The following ZNF438 variants were observed in gnomAD, a reference collection of about 807,000 sequenced individuals.
ZNF438 encodes the protein zinc finger protein 438.
Under a neutral mutation model 38.0 loss-of-function variants are expected in ZNF438, and 25 were observed. That is an observed-to-expected ratio of 0.66 (90% CI 0.48 to 0.92). ZNF438 has a LOEUF of 0.92. Ranked by LOEUF, ZNF438 falls within the 40% of genes least tolerant of loss-of-function variation. The pLI, the probability that ZNF438 is intolerant of heterozygous loss-of-function variation, is 0.00. For missense variants in ZNF438, 1,007 were observed against 999.6 expected (o/e 1.01, Z -0.10); for synonymous variants, 372 against 364.1 (o/e 1.02, Z -0.25).
At chr10:30,955,231 G>A (rs2048733320) in intron 1 of ZNF438, among the ~76,000 whole-genome samples, 1 of 152,198 alleles carries the variant, frequency 6.6e-6, no homozygotes. Context: ...ATTCTTGGAG[G>A]TGGGTGAGTA....
At chr10:31,020,884 A>G (rs2056544896) in intron 1 of ZNF438, among the ~76,000 whole-genome samples, 1 of 151,970 alleles carries the variant, frequency 6.6e-6, no homozygotes, top group South Asian at 2.1e-4. Context: ...GTCTGTCAAC[A>G]GAGACAAGAA....
chr10:30,942,699 C>T (rs901266137), intron 1 of ZNF438, among the ~76,000 whole-genome samples: 2 of 151,366 alleles, frequency 1.3e-5, no homozygotes, highest in African/African-American at 4.9e-5. Flanking sequence ...TTCTGATATC[C>T]TGTCCTAGAA....
intron 3 of ZNF438, among the ~76,000 whole-genome samples, chr10:30,907,419 G>A (rs747180295): frequency 6.6e-6 from 1 of 152,200 alleles, no homozygotes; most frequent in Non-Finnish European, 1.5e-5. Flanking sequence ...ATTTTTTGGA[G>A]AAGTTTGTAA....
chr10:30,852,973 T>C (rs2033955231), intron 4 of ZNF438, among the ~76,000 whole-genome samples: 2 of 152,228 alleles, frequency 1.3e-5, no homozygotes, highest in South Asian at 4.1e-4. Context: ...CTCATCTTTT[T>C]TTTTTTGGAA....
In ZNF438 at chr10:30,891,773, G is replaced by T. The variant is rs190969026; in HGVS notation, c.-31-14708C>A. Among the ~76,000 whole-genome samples the T allele has an allele frequency of 2.6e-3, 390 of 152,204 alleles. 3 individuals carry two copies. The highest frequency in any genetic ancestry group is 4.5e-3 in the Non-Finnish European group (308 of 68,010). ...GTTTGTGGCAAATTTTAACAAACAG[G>T]CCTATCCTCCGTTTTCTTATTTGTT... On this transcript the variant is annotated intron_variant, in intron 3 of 5. Transcript: ENST00000413025.
At chr10:30,998,284 T>TA (rs2054257391) in intron 1 of ZNF438, among the ~76,000 whole-genome samples, 1 of 152,072 alleles carries the variant, frequency 6.6e-6, no homozygotes, top group African/African-American at 2.4e-5. Context: ...CTCATGCCTG[T>TA]AATCCTAGCA....
At chr10:30,865,792 T>C (rs1317092549) in intron 4 of ZNF438, among the ~76,000 whole-genome samples, 1 of 152,196 alleles carries the variant, frequency 6.6e-6, no homozygotes, top group East Asian at 1.9e-4. Flanking sequence ...TTTCTATTTA[T>C]TATACTGCTG....
At chr10:30,987,437 C>T (rs1436695885) in intron 1 of ZNF438, among the ~76,000 whole-genome samples, 1 of 151,526 alleles carries the variant, frequency 6.6e-6, no homozygotes, top group African/African-American at 2.4e-5. Flanking sequence ...TTCTTTGAGG[C>T]TTAGACTTTG....
intron 1 of ZNF438, among the ~76,000 whole-genome samples, chr10:31,003,372 G>T (rs2054840543): frequency 6.6e-6 from 1 of 152,098 alleles, no homozygotes; most frequent in Non-Finnish European, 1.5e-5. Context: ...GGTAGTATTG[G>T]ATGTCTTGCT....
chr10:31,017,016 C>T (rs548185442), intron 1 of ZNF438, among the ~76,000 whole-genome samples: 98 of 152,332 alleles, frequency 6.4e-4, no homozygotes, highest in African/African-American at 2.1e-3. Flanking sequence ...CCTAGTCCAG[C>T]GGCTCGCAAA....
chr10:30,881,606 A>T (rs2039270175), intron 3 of ZNF438, among the ~76,000 whole-genome samples: 1 of 152,140 alleles, frequency 6.6e-6, no homozygotes, highest in South Asian at 2.1e-4. Context: ...AAATCCCAGT[A>T]GACTTTTTGT....
At chr10:31,003,652 T>C (rs982760549) in intron 1 of ZNF438, among the ~76,000 whole-genome samples, 2 of 152,230 alleles carry the variant, frequency 1.3e-5, no homozygotes, top group African/African-American at 4.8e-5. Context: ...CCTTATCATA[T>C]GCCCTACTAC....
At chr10:31,018,544 G>C (rs1481038390) in intron 1 of ZNF438, among the ~76,000 whole-genome samples, 1 of 152,142 alleles carries the variant, frequency 6.6e-6, no homozygotes, top group Non-Finnish European at 1.5e-5. Context: ...GTTTTCTACT[G>C]TCTGTCGACC....
chr10:30,942,688 T>C (rs1041110783), intron 1 of ZNF438, among the ~76,000 whole-genome samples: 2 of 152,332 alleles, frequency 1.3e-5, no homozygotes, highest in Non-Finnish European at 2.9e-5. Flanking sequence ...ACTTGCGTCA[T>C]TTCTGATATC....
At chr10:30,845,481 G>A in exon 6 of ZNF438, 1 of 1,614,156 alleles carries the variant, frequency 6.2e-7, no homozygotes, top group Non-Finnish European at 8.5e-7. Flanking sequence ...AAAAGACTGA[G>A]CAGTAATCTG....
chr10:30,888,926 T>C (rs1430863415), intron 3 of ZNF438, among the ~76,000 whole-genome samples: 1 of 152,226 alleles, frequency 6.6e-6, no homozygotes, highest in Non-Finnish European at 1.5e-5. Flanking sequence ...TAGTTCTATT[T>C]TTAGGTCTTT....
intron 4 of ZNF438, among the ~76,000 whole-genome samples, chr10:30,864,640 T>C (rs1397897328): frequency 6.6e-6 from 1 of 152,174 alleles, no homozygotes. Flanking sequence ...GAACGAACTA[T>C]TAACTCTCAA....
chr10:31,020,732 T>C (rs2056534347), intron 1 of ZNF438, among the ~76,000 whole-genome samples: 1 of 151,660 alleles, frequency 6.6e-6, no homozygotes, highest in South Asian at 2.1e-4. Context: ...ACAACAGCTC[T>C]GTCAAAAACA....
chr10:30,890,169 T>C (rs1257400667), intron 3 of ZNF438, among the ~76,000 whole-genome samples: 1 of 151,758 alleles, frequency 6.6e-6, no homozygotes, highest in Admixed American at 6.6e-5. Flanking sequence ...AATTGTATGA[T>C]CTAATCATTG....
Sources: gnomAD v4.1 joint callset for allele counts (sites outside exome capture counted in the v4.1 genomes callset) on GRCh38, gnomAD v4.1.1 for gene constraint, MANE v1.5 for transcripts, NCBI Gene and HGNC (gene_info 2026-07-23, HGNC 2026-07-21) for gene names.